Variants in XPC observed in about 807,000 individuals in gnomAD.
XPC encodes the protein XPC complex subunit, DNA damage recognition and repair factor.
XPC carries 76 observed loss-of-function variants against 95.8 expected under a neutral mutation model. The observed-to-expected ratio is 0.79, with a 90% CI of 0.66 to 0.96. XPC has a LOEUF of 0.96. Ranked by LOEUF, XPC falls within the 40% of genes least tolerant of loss-of-function variation. The pLI is 0.00. For missense variants in XPC, 1,146 were observed against 1,179.8 expected, an observed-to-expected ratio of 0.97 and a Z score of 0.42; for synonymous variants, 442 against 442.1, an observed-to-expected ratio of 1.00 and a Z score of 0.00.
chr3:14,153,038 C>T (rs950746249), intron 10 of XPC: 10 of 152,310 alleles, frequency 6.6e-5, no homozygotes, highest in African/African-American at 2.4e-4. Flanking sequence ...TCCAATGAGG[C>T]TCAACCCCTC....
At chr3:14,176,922 G>A (rs945414837) in intron 1 of XPC, among the ~76,000 whole-genome samples, 49 of 152,132 alleles carry the variant, frequency 3.2e-4, no homozygotes, top group Admixed American at 7.9e-4. Flanking sequence ...CCAACATGGC[G>A]AAACCCCATC....
chr3:14,153,389 A>G (rs555950317), intron 10 of XPC: 1 of 152,388 alleles, frequency 6.6e-6, no homozygotes, highest in Admixed American at 6.5e-5. Context: ...CTGTGCCTCA[A>G]GTACCCATAC....
rs776073385 is a variant in XPC, at chr3:14,164,879, G to T, written c.834C>A (p.Asn278Lys). The change falls in exon 7 of 16, where the codon AAC becomes AAA. Residue 278 changes from asparagine to lysine, a missense_variant. By Grantham distance (94) the Asn-to-Lys change is moderately conservative. Coordinates refer to ENST00000285021, the MANE Select transcript of XPC (RefSeq NM_004628.5). ...NAELSASEQDNLQTTLERRFA... is the reference protein window; with the variant it reads ...NAELSASEQDKLQTTLERRFA... The stretch of plus-strand genomic sequence containing the variant: ...ATCTCCTTTCCAATGTAGTCTGCAG[G>T]TTATCTTGTTCACTGGCTGAAAGTT... 1.2e-6 allele frequency: 2 copies of T among 1,612,496 alleles called. No individual in the cohort carries two copies. Among genetic ancestry groups the T allele is most frequent in the African/African-American group, 1.3e-5 (1 of 74,822 alleles).
chr3:14,146,059 G>A lies in XPC; in HGVS notation c.2705C>T (p.Ala902Val), dbSNP rs747380575. 6.2e-7 allele frequency: 1 copy of A among 1,612,540 alleles called. No homozygotes were observed. The highest frequency in any genetic ancestry group is 8.5e-7 in the Non-Finnish European group (1 of 1,179,512). ...ATCTTCTCGGTTTTGAGGCCAGGAGGCAGCCAGTATCCTGGCCGCTTCTGC... is the reference window on the plus strand; with the variant it reads ...ATCTTCTCGGTTTTGAGGCCAGGAGACAGCCAGTATCCTGGCCGCTTCTGC... ...SQAEAARILA[A>V]SWPQNREDEE... The change falls in exon 16 of 16, where the codon GCC becomes GTC. Residue 902 changes from alanine (A) to valine (V), a missense_variant. Coordinates refer to ENST00000285021, the MANE Select transcript of XPC (RefSeq NM_004628.5).
At chr3:14,165,927 C>A in intron 5 of XPC, 1 of 269,132 alleles carries the variant, frequency 3.7e-6, no homozygotes, top group East Asian at 9.2e-5. Context: ...CTGGGGTTTG[C>A]TCCACGAGAT....
chr3:14,165,062 C>A, intron 6 of XPC, 129 bp from the exon 7 acceptor site: 1 of 1,359,298 alleles, frequency 7.4e-7, no homozygotes, highest in Non-Finnish European at 9.8e-7. Context: ...TTCCCCAGCC[C>A]GTCTAGCTAA....
At position 14,145,679 on chromosome 3, in the gene XPC, A is replaced by G. The variant is rs1695393276; in HGVS notation, c.*262T>C. ...CTCCTAGCAAAGTGTTCTGTAGCTC[A>G]AAGGGTGAGTGGGCTTTGGTAGCAA... On this transcript the variant is annotated 3_prime_UTR_variant, in exon 16 of 16. Coordinates refer to ENST00000285021, the MANE Select transcript of XPC (RefSeq NM_004628.5). The G allele has an allele frequency of 2.9e-6, 2 of 699,506 alleles. No homozygotes were observed. The highest frequency in any genetic ancestry group is 5.2e-6 in the Non-Finnish European group (2 of 384,886). 43.3% of individuals were successfully genotyped at this position (699,506 alleles called of 1,614,324 possible). A position where few individuals can be genotyped will look rare whatever the true frequency, so the allele number is the denominator to read the frequency against.
At chr3:14,173,109 G>T in intron 1 of XPC, 47 bp from the exon 2 acceptor site, 1 of 1,473,142 alleles carries the variant, frequency 6.8e-7, no homozygotes, top group Non-Finnish European at 9.0e-7. Context: ...AGGAAAGGTG[G>T]AGGCAGTGCA....
At chr3:14,152,298 T>TCAC in intron 11 of XPC, 37 bp downstream of exon 11, 1 of 1,586,270 alleles carries the variant, frequency 6.3e-7, no homozygotes, top group South Asian at 1.1e-5. Flanking sequence ...CAGGCCTGTG[T>TCAC]CACCACTCCC....
chr3:14,168,715 TTAAAAAAAAAAAAC>T (rs1696492607), intron 3 of XPC, among the ~76,000 whole-genome samples: 1 of 151,562 alleles, frequency 6.6e-6, no homozygotes, highest in Non-Finnish European at 1.5e-5. Flanking sequence ...TTAAAACTCT[TTAAAAAAAAAAAAC>T]CCAAGTGAGA....
chr3:14,147,577 G>C lies in XPC; in HGVS notation c.2515-198C>G, dbSNP rs55928766. The C allele has an allele frequency of 1.9e-3, 1,200 of 629,436 alleles. 13 individuals are homozygous for C. The African/African-American group carries it at 0.02, about 11-fold the overall frequency. The allele number at this position is 629,436 out of a possible 1,614,324, so 39.0% of individuals were successfully genotyped here. On this transcript the variant is annotated intron_variant, in intron 14 of 15. Coordinates refer to ENST00000285021, the MANE Select transcript of XPC (RefSeq NM_004628.5). ...ACTATACCTGAAAGCCACAAAAACA[G>C]ATAACTTTTTAATCGTTACTGACTC...
chr3:14,147,093 C>G (rs1170637622), intron 15 of XPC, among the ~76,000 whole-genome samples, 197 bp downstream of exon 15: 1 of 152,184 alleles, frequency 6.6e-6, no homozygotes, highest in African/African-American at 2.4e-5. Flanking sequence ...GCAGAAGAGC[C>G]AGCTGAGGCC....
Position 14,158,122 on chromosome 3 carries a change from T to C in XPC, c.1761A>G (p.Pro587=). ...ACTTGCGGGTCACTGTCATCCAGAC[T>C]GGGTCGTACCTCTGTGTGACATCTC... ...WVRDVTQRYD[P]VWMTVTRKCR... is the part of the protein sequence containing the mutation. Residue 587 remains proline, a synonymous_variant, in exon 9 of 16, where the codon CCA becomes CCG. Transcript: ENST00000285021. The surrounding 1 kb of genome is among the most constrained non-coding windows in gnomAD (Gnocchi z 5.2). 1 of 1,613,966 alleles carries C rather than the reference T, an allele frequency of 6.2e-7. No homozygotes were observed. Among genetic ancestry groups the C allele is most frequent in the South Asian group, 1.1e-5 (1 of 91,072 alleles).
Position 14,145,482 on chromosome 3 carries a change from C to T in XPC, c.*459G>A, listed in dbSNP as rs1480559339. 1.4e-6 allele frequency: 1 copy of T among 697,546 alleles called. No homozygotes were observed. The highest frequency in any genetic ancestry group is 2.7e-5 in the East Asian group (1 of 37,216). The allele number at this position is 697,546 out of a possible 1,614,324, so 43.2% of individuals were successfully genotyped here. ...GTAAGTGGCCTGCAGAGAAATGGTCCTAGGTCCGCAACCGAGGCGAGTGAA... is the reference window on the plus strand; with the variant it reads ...GTAAGTGGCCTGCAGAGAAATGGTCTTAGGTCCGCAACCGAGGCGAGTGAA... On this transcript the variant is annotated 3_prime_UTR_variant, in exon 16 of 16. Transcript: ENST00000285021.
chr3:14,160,883 A>G (rs1696142067), intron 7 of XPC, among the ~76,000 whole-genome samples: 1 of 152,224 alleles, frequency 6.6e-6, no homozygotes, highest in Admixed American at 6.5e-5. Context: ...GGATTTCTGC[A>G]TCTAGAATAA....
rs765965433 is a variant in XPC at position 14,158,650 on chromosome 3, C to T, written c.1233G>A (p.Lys411=). The part of the protein sequence containing the change: ...EDEGPGDKQE[K]ATQRRPHGRE... ...GGCCATGCGGACGTCGCTGGGTTGC[C>T]TTCTCCTGCTTGTCTCCTGGGCCCT... The change falls in exon 9 of 16, where the codon AAG becomes AAA. Residue 411 remains lysine, a synonymous_variant. Transcript: ENST00000285021. The surrounding 1 kb of genome is among the most constrained non-coding windows in gnomAD (Gnocchi z 5.2). 5.0e-6 allele frequency: 8 copies of T among 1,613,786 alleles called. No individual in the cohort carries two copies. Among genetic ancestry groups the T allele is most frequent in the Admixed American group, 1.7e-5 (1 of 60,012 alleles).
intron 7 of XPC, among the ~76,000 whole-genome samples, chr3:14,162,672 A>T (rs1444994661): frequency 6.6e-6 from 1 of 152,228 alleles, no homozygotes; most frequent in African/African-American, 2.4e-5. Flanking sequence ...CTCTTACAAG[A>T]AAACACAGGG....
At chr3:14,168,214 T>C (rs1297563219) in intron 4 of XPC, 43 bp downstream of exon 4, 2 of 1,571,456 alleles carry the variant, frequency 1.3e-6, no homozygotes, top group African/African-American at 2.8e-5. Context: ...AGCTGTTGCC[T>C]ACTGCATGTG....
chr3:14,146,321 C>T (rs1231355779), intron 15 of XPC, among the ~76,000 whole-genome samples, 162 bp from the exon 16 acceptor site: 1 of 152,042 alleles, frequency 6.6e-6, no homozygotes, highest in African/African-American at 2.4e-5. Flanking sequence ...ACCCTTCTTA[C>T]TGAGCCGTCC....
Sources: gnomAD v4.1 joint callset for allele counts (sites outside exome capture counted in the v4.1 genomes callset) on GRCh38, gnomAD v4.1.1 for gene constraint, Gnocchi (gnomAD v3.1) non-coding constraint, MANE v1.5 for transcripts, NCBI Gene and HGNC (gene_info 2026-07-23, HGNC 2026-07-21) for gene names.